Variants in PSTPIP1 observed in about 807,000 individuals in gnomAD.
PSTPIP1 encodes the protein proline-serine-threonine phosphatase interacting protein 1.
PSTPIP1 carries 66 observed loss-of-function variants against 69.6 expected under a neutral mutation model. The observed-to-expected ratio is 0.95, with a 90% CI of 0.78 to 1.16. The LOEUF (loss-of-function observed/expected upper bound fraction) is 1.16, where lower values mean the gene tolerates loss of function less well. Ranked by LOEUF, PSTPIP1 falls within the 50% of genes most tolerant of loss-of-function variation. The probability of loss-of-function intolerance (pLI) is 0.00; values close to 1 mark genes in which losing one functional copy is unlikely to be tolerated. For synonymous variants in PSTPIP1, 266 were observed against 222.7 expected (o/e 1.19, Z -1.73); for missense variants, 603 against 557.4 (o/e 1.08, Z -0.82).
chr15:77,019,163 G>T (rs559276121), intron 3 of PSTPIP1, among the ~76,000 whole-genome samples: 1 of 152,308 alleles, frequency 6.6e-6, no homozygotes, highest in Admixed American at 6.5e-5. Flanking sequence ...GTCTCTGCAC[G>T]CAGACTGCTG....
chr15:77,031,793 C>T (rs1241105398), intron 10 of PSTPIP1: 2 of 176,688 alleles, frequency 1.1e-5, no homozygotes, highest in East Asian at 1.6e-4. Flanking sequence ...GGATGCAGCC[C>T]AGCACACGGC....
intron 1 of PSTPIP1, among the ~76,000 whole-genome samples, chr15:77,000,458 G>GATATATATATATATATAT (rs148680520): frequency 2.2e-5 from 3 of 139,166 alleles, no homozygotes; most frequent in African/African-American, 8.5e-5. Context: ...CATTTAAAGA[G>GATATATATATATATATAT]AGATATATAT....
chr15:77,034,262 T>A (rs1336042485), intron 12 of PSTPIP1, among the ~76,000 whole-genome samples: 1 of 152,040 alleles, frequency 6.6e-6, no homozygotes, highest in Non-Finnish European at 1.5e-5. Flanking sequence ...CCCTGGCCGC[T>A]TCCTCCACCT....
chr15:77,018,882 C>A (rs184207978), intron 3 of PSTPIP1, among the ~76,000 whole-genome samples: 1 of 152,190 alleles, frequency 6.6e-6, no homozygotes, highest in Non-Finnish European at 1.5e-5. Context: ...AGCACTGGCT[C>A]AGCATGGGCT....
intron 13 of PSTPIP1, 83 bp from the exon 14 acceptor site, chr15:77,035,719 C>A: frequency 6.6e-7 from 1 of 1,510,232 alleles, no homozygotes. Context: ...CAGGGCCCAG[C>A]ATGGAGAAAC....
chr15:77,030,995 C>T (rs1381366656), intron 9 of PSTPIP1, among the ~76,000 whole-genome samples, 185 bp from the exon 10 acceptor site: 3 of 152,250 alleles, frequency 2.0e-5, no homozygotes, highest in African/African-American at 7.2e-5. Flanking sequence ...TCTCCACCTC[C>T]CTCCCTGCAG....
At chr15:77,020,134 A>T (rs1343159879) in intron 3 of PSTPIP1, among the ~76,000 whole-genome samples, 4 of 152,142 alleles carry the variant, frequency 2.6e-5, no homozygotes, top group Non-Finnish European at 1.5e-5. Context: ...CAGAAAATAC[A>T]ATGGGGGTGG....
intron 5 of PSTPIP1, chr15:77,026,103 C>T (rs917699907): frequency 5.3e-5 from 24 of 456,136 alleles, no homozygotes; most frequent in Non-Finnish European, 7.9e-5. Flanking sequence ...AGGTACTTCT[C>T]ACCCATATGT....
Position 77,031,201 on chromosome 15 carries a change from G to T in PSTPIP1, c.664G>T (p.Asp222Tyr). ...CCAGGCCTTTCAGCTGCAAGAGTTT[G>T]ACCGGCTGACCATTCTCCGCAACGC... ...TCEAFQLQEF[D>Y]RLTILRNALW... is the part of the protein sequence containing the mutation. Residue 222 changes from aspartate (D) to tyrosine (Y), a missense_variant, in exon 10 of 15, where the codon GAC (aspartate) becomes TAC (tyrosine). By Grantham distance (160) the Asp-to-Tyr change is radical. Transcript: ENST00000558012. 2 of 1,612,850 alleles carry T rather than the reference G, an allele frequency of 1.2e-6. No homozygotes were observed. Among genetic ancestry groups the T allele is most frequent in the South Asian group, 1.1e-5 (1 of 91,016 alleles).
chr15:77,036,411 G>A (rs751754970), intron 14 of PSTPIP1, among the ~76,000 whole-genome samples: 9 of 152,214 alleles, frequency 5.9e-5, no homozygotes, highest in Non-Finnish European at 8.8e-5. Context: ...ACTGTGGCCA[G>A]AATGAGTCTT....
chr15:77,034,862 A>G (rs1179487616), intron 12 of PSTPIP1, among the ~76,000 whole-genome samples: 3 of 152,138 alleles, frequency 2.0e-5, no homozygotes, highest in African/African-American at 7.2e-5. Context: ...TATTCAGTAA[A>G]CCTTCATGAC....
chr15:77,035,373 C>T, intron 12 of PSTPIP1, 135 bp from the exon 13 acceptor site: 1 of 915,518 alleles, frequency 1.1e-6, no homozygotes, highest in Non-Finnish European at 1.7e-6. Context: ...GACATCCATG[C>T]CTGGAGGCTA....
intron 12 of PSTPIP1, among the ~76,000 whole-genome samples, chr15:77,034,588 T>C (rs540932134): frequency 6.6e-6 from 1 of 151,818 alleles, no homozygotes; most frequent in South Asian, 2.1e-4. Context: ...CCCAAATTGG[T>C]CCACTCCACT....
chr15:77,022,946 G>A (rs1212053270), intron 3 of PSTPIP1, among the ~76,000 whole-genome samples: 1 of 152,222 alleles, frequency 6.6e-6, no homozygotes, highest in Non-Finnish European at 1.5e-5. Context: ...GGGACAAATG[G>A]GAGTTCAAGG....
Position 77,018,170 on chromosome 15 carries a change from C to T in PSTPIP1, c.59C>T (p.Thr20Met), listed in dbSNP as rs553718554. The T allele has an allele frequency of 6.7e-5, 107 of 1,586,858 alleles. No individual in the cohort carries two copies. Among genetic ancestry groups the T allele is most frequent in the Middle Eastern group, 3.3e-4 (2 of 6,030 alleles). The change falls in exon 2 of 15, where the codon ACG (threonine) becomes ATG (methionine). Residue 20 changes from threonine to methionine, a missense_variant. Physicochemically the swap from Thr to Met is moderately conservative, Grantham distance 81. Coordinates refer to ENST00000558012, the MANE Select transcript of PSTPIP1 (RefSeq NM_003978.5). ...AFWCRDFTAH[T>M]GYEVLLQRLL... ...CAGTGCAGGGACTTCACAGCCCACACGGGCTACGAGGTGCTGCTGCAGCGG... is the reference window on the plus strand; with the variant it reads ...CAGTGCAGGGACTTCACAGCCCACATGGGCTACGAGGTGCTGCTGCAGCGG...
At chr15:77,032,265 T>C (rs2076436424) in intron 10 of PSTPIP1, 33 bp from the exon 11 acceptor site, 1 of 1,603,794 alleles carries the variant, frequency 6.2e-7, no homozygotes, top group Non-Finnish European at 8.5e-7. Context: ...AGAGTGGGCA[T>C]CGGGCTGCGG....
In PSTPIP1 at chr15:76,996,816, C is replaced by T. The variant is rs774595063; in HGVS notation, c.36+1207C>T. ...GGAGGCAGAGCTGCCTCAGCCCATC[C>T]GGAGGACCAGGCACCAGGATGCTCA... On this transcript the variant is annotated intron_variant, in intron 1 of 14. Coordinates refer to ENST00000558012, the MANE Select transcript of PSTPIP1 (RefSeq NM_003978.5). Among the ~76,000 whole-genome samples the T allele has an allele frequency of 1.3e-3, 192 of 152,216 alleles. 2 individuals are homozygous for T. The highest frequency in any genetic ancestry group is 1.2e-3 in the Non-Finnish European group (81 of 68,034).
At chr15:77,012,717 A>T (rs2075971133) in intron 1 of PSTPIP1, among the ~76,000 whole-genome samples, 1 of 152,186 alleles carries the variant, frequency 6.6e-6, no homozygotes, top group South Asian at 2.1e-4. Flanking sequence ...TACAATGGGG[A>T]TGATAATTCC....
At chr15:77,018,564 C>T (rs763190554) in intron 3 of PSTPIP1, 33 bp downstream of exon 3, 2 of 1,526,906 alleles carry the variant, frequency 1.3e-6, no homozygotes, top group Non-Finnish European at 1.8e-6. Context: ...GCTCACTCCT[C>T]TCCTCTGCTG....
Sources: allele counts gnomAD v4.1 joint callset (sites outside exome capture counted in the v4.1 genomes callset), GRCh38; gene constraint gnomAD v4.1.1; transcripts MANE v1.5; gene names NCBI Gene and HGNC (gene_info 2026-07-23, HGNC 2026-07-21).